PPIL6: variants seen among roughly 807,000 people sequenced by gnomAD.
The protein encoded by PPIL6 is peptidylprolyl isomerase like 6, also known as probable inactive peptidyl-prolyl cis-trans isomerase-like 6.
A neutral mutation model predicts 36.8 loss-of-function variants in PPIL6; 39 were observed. That is an observed-to-expected ratio of 1.06 (90% CI 0.82 to 1.38). The LOEUF (loss-of-function observed/expected upper bound fraction) is 1.38, where lower values mean the gene tolerates loss of function less well. Ranked by LOEUF, PPIL6 falls within the 40% of genes most tolerant of loss-of-function variation. PPIL6 has a pLI of 0.00. For missense variants in PPIL6, 368 were observed against 379.1 expected (o/e 0.97, Z 0.24); for synonymous variants, 123 against 134.1 (o/e 0.92, Z 0.57).
chr6:109,402,059 T>C (rs1772572332), intron 6 of PPIL6, among the ~76,000 whole-genome samples: 1 of 152,176 alleles, frequency 6.6e-6, no homozygotes, highest in Non-Finnish European at 1.5e-5. Context: ...GTATTTGTCA[T>C]TGCTTTTACA....
intron 3 of PPIL6, among the ~76,000 whole-genome samples, chr6:109,429,893 T>C (rs1774038234): frequency 6.6e-6 from 1 of 152,240 alleles, no homozygotes; most frequent in South Asian, 2.1e-4. Flanking sequence ...TTGGTAATGC[T>C]GGCACCAAGA....
chr6:109,430,849 A>C (rs1442356155), intron 3 of PPIL6, among the ~76,000 whole-genome samples: 2 of 152,220 alleles, frequency 1.3e-5, no homozygotes, highest in Non-Finnish European at 1.5e-5. Flanking sequence ...AATGGATGAT[A>C]GGTTTTACCT....
chr6:109,425,744 C>T (rs1258710872), intron 5 of PPIL6, among the ~76,000 whole-genome samples: 4 of 118,206 alleles, frequency 3.4e-5, no homozygotes, highest in African/African-American at 3.6e-5. Flanking sequence ...AGCGAGACTC[C>T]GTTTCAAAAA....
intron 3 of PPIL6, among the ~76,000 whole-genome samples, chr6:109,430,431 G>A (rs1333515462): frequency 1.5e-5 from 2 of 137,306 alleles, no homozygotes; most frequent in Non-Finnish European, 3.2e-5. Context: ...ATGTGTTCAT[G>A]CTTTTTTTTT....
At chr6:109,401,914 AG>A (rs1772563209) in intron 6 of PPIL6, among the ~76,000 whole-genome samples, 1 of 151,522 alleles carries the variant, frequency 6.6e-6, no homozygotes, top group Non-Finnish European at 1.5e-5. Context: ...TAGTGGAAAC[AG>A]GGTTTCACCG....
At chr6:109,402,719 G>A (rs1190022412) in intron 6 of PPIL6, among the ~76,000 whole-genome samples, 1 of 151,932 alleles carries the variant, frequency 6.6e-6, no homozygotes, top group African/African-American at 2.4e-5. Flanking sequence ...GAAAAAAAGT[G>A]TGAAAACTAA....
At chr6:109,396,169 GCTTTAGAGC>G (rs759114340) in intron 7 of PPIL6, among the ~76,000 whole-genome samples, 151 of 152,290 alleles carry the variant, frequency 9.9e-4, no homozygotes, top group South Asian at 3.5e-3. Context: ...TACTGCTGAT[GCTTTAGAGC>G]AGGACTTCAT....
intron 7 of PPIL6, among the ~76,000 whole-genome samples, chr6:109,394,621 A>C (rs545659216): frequency 2.6e-5 from 4 of 152,300 alleles, no homozygotes; most frequent in Admixed American, 2.6e-4. Context: ...GCCGACACCA[A>C]GTGTACTCTA....
chr6:109,433,376 AC>A (rs1774268903), intron 2 of PPIL6, among the ~76,000 whole-genome samples: 1 of 152,238 alleles, frequency 6.6e-6, no homozygotes, highest in Non-Finnish European at 1.5e-5. Context: ...AACTTTCTAA[AC>A]GGGAGAAAAA....
chr6:109,402,974 T>A, intron 6 of PPIL6: 2 of 1,105,964 alleles, frequency 1.8e-6, no homozygotes, highest in Middle Eastern at 2.0e-4. Context: ...AAGGGTAATT[T>A]ACGTGTTATT....
chr6:109,440,842 G>T (rs945984722), upstream of PPIL6: 5 of 447,112 alleles, frequency 1.1e-5, no homozygotes, highest in African/African-American at 4.2e-5. Flanking sequence ...CGGACCCCCA[G>T]GGTCCTAGCG....
At chr6:109,428,873 T>C (rs766857491) in intron 3 of PPIL6, among the ~76,000 whole-genome samples, 11 of 152,160 alleles carry the variant, frequency 7.2e-5, no homozygotes, top group Non-Finnish European at 1.0e-4. Context: ...AGAGGATATA[T>C]TGGAAATCAT....
intron 6 of PPIL6, among the ~76,000 whole-genome samples, chr6:109,416,512 CT>C (rs35346449): frequency 0.078 from 10,888 of 139,154 alleles, 1,008 homozygotes; most frequent in African/African-American, 0.23. Context: ...CTTTTTGTGG[CT>C]TTTTTTTTTT....
intron 6 of PPIL6, among the ~76,000 whole-genome samples, chr6:109,407,970 GAATAT>G (rs1034672923): frequency 6.6e-6 from 1 of 152,064 alleles, no homozygotes; most frequent in Non-Finnish European, 1.5e-5. Context: ...ACTCCTCACT[GAATAT>G]AATAAATTCA....
At chr6:109,418,987 T>G (rs79946867) in intron 6 of PPIL6, among the ~76,000 whole-genome samples, 200 bp downstream of exon 6, 4,823 of 152,198 alleles carry the variant, frequency 0.032, 178 homozygotes, top group African/African-American at 0.088. Flanking sequence ...TATCATTAGG[T>G]AAGTGAAAAA....
Position 109,437,548 on chromosome 6 carries a change from CTTTTTTTTTTTT to C in PPIL6, c.136-1361_136-1350del, listed in dbSNP as rs71551374. 2.6e-4 allele frequency among the ~76,000 whole-genome samples: 25 copies of C among 97,948 alleles called. No individual in the cohort carries two copies. The South Asian group carries it at 8.3e-3, about 33-fold the overall frequency. The allele number at this position is 97,948 out of a possible 152,430, so 64.3% of individuals were successfully genotyped here. On this transcript the variant is annotated intron_variant, in intron 1 of 7. Transcript: ENST00000521072. ...CTGCAGGTTGACTACTATTTCTTTT[CTTTTTTTTTTTT>C]TTTTTTTTTTTTGAGACGGAGTCTC...
chr6:109,410,819 T>C (rs571379996), intron 6 of PPIL6, among the ~76,000 whole-genome samples: 45 of 152,178 alleles, frequency 3.0e-4, no homozygotes, highest in Admixed American at 2.0e-3. Flanking sequence ...TCAGAACATA[T>C]AAGGGAAAAA....
chr6:109,428,698 T>C (rs189207080), intron 3 of PPIL6, among the ~76,000 whole-genome samples: 25 of 152,194 alleles, frequency 1.6e-4, no homozygotes, highest in Admixed American at 1.6e-3. Flanking sequence ...ACTGAAATAA[T>C]ATTGTGCTAT....
intron 5 of PPIL6, among the ~76,000 whole-genome samples, chr6:109,424,651 G>A (rs1243126220): frequency 6.6e-6 from 1 of 152,172 alleles, no homozygotes; most frequent in Non-Finnish European, 1.5e-5. Flanking sequence ...ACAGGAGGTT[G>A]GCACAAGATA....
Sources: allele counts gnomAD v4.1 joint callset (sites outside exome capture counted in the v4.1 genomes callset), GRCh38; gene constraint gnomAD v4.1.1; transcripts MANE v1.5; gene names NCBI Gene and HGNC (gene_info 2026-07-23, HGNC 2026-07-21).